The following TENM2 variants were observed in gnomAD, a reference collection of about 807,000 sequenced individuals.
The protein encoded by TENM2 is teneurin-2.
A neutral mutation model predicts 245.2 loss-of-function variants in TENM2; 52 were observed. The ratio of observed to expected loss-of-function variants is 0.21; its 90% CI spans 0.17 to 0.27. The LOEUF is 0.27. Among genes scored for constraint, TENM2 ranks in the 10% least tolerant of loss-of-function variants. The pLI is 1.00. For synonymous variants in TENM2, 1,363 were observed against 1,438.9 expected, an observed-to-expected ratio of 0.95 and a Z score of 1.19; for missense variants, 3,046 against 3,666.8, an observed-to-expected ratio of 0.83 and a Z score of 4.37.
chr5:166,986,496 T>C, the TENM2 span, among the ~76,000 whole-genome samples: 4 of 152,224 alleles, frequency 2.6e-5, no homozygotes, highest in Admixed American at 2.6e-4. Context: ...TTTAAGGAAA[T>C]ACGGCAAGGT....
At chr5:167,162,517 A>G in the TENM2 span, among the ~76,000 whole-genome samples, 1 of 151,892 alleles carries the variant, frequency 6.6e-6, no homozygotes, top group African/African-American at 2.4e-5. Context: ...AATCCCAGCT[A>G]CTTGGGAGGC....
chr5:168,017,787 A>G (rs1468452559), intron 5 of TENM2, among the ~76,000 whole-genome samples: 1 of 152,180 alleles, frequency 6.6e-6, no homozygotes. Flanking sequence ...CTATTTGAGA[A>G]AGAGGTTTCA....
At chr5:167,418,283 T>C (rs1433957698) in intron 2 of TENM2, among the ~76,000 whole-genome samples, 8 of 151,380 alleles carry the variant, frequency 5.3e-5, no homozygotes, top group Admixed American at 5.3e-4. Context: ...GAGCCGAGAT[T>C]GTGCCATTGC....
intron 2 of TENM2, among the ~76,000 whole-genome samples, chr5:167,589,778 C>A (rs962885426): frequency 8.6e-5 from 13 of 151,920 alleles, no homozygotes; most frequent in Admixed American, 7.2e-4. Flanking sequence ...AAATAGCACT[C>A]AAAAACTTTA....
chr5:167,853,874 T>A (rs980912322), intron 2 of TENM2, among the ~76,000 whole-genome samples: 4 of 152,132 alleles, frequency 2.6e-5, no homozygotes, highest in African/African-American at 4.8e-5. Flanking sequence ...AAAATTCAAA[T>A]AAGACCACAA....
intron 2 of TENM2, among the ~76,000 whole-genome samples, chr5:167,698,855 T>G (rs1007920981): frequency 6.6e-6 from 1 of 152,042 alleles, no homozygotes; most frequent in Non-Finnish European, 1.5e-5. Context: ...AGCTAATTTT[T>G]GTATTTTTAG....
intron 12 of TENM2, among the ~76,000 whole-genome samples, chr5:168,145,787 C>T (rs1318772557): frequency 3.3e-5 from 5 of 149,722 alleles, no homozygotes; most frequent in Non-Finnish European, 6.0e-5. Flanking sequence ...GCCATTTTCA[C>T]GATATTGATT....
chr5:167,445,332 T>TAGGG (rs71591182), intron 2 of TENM2, among the ~76,000 whole-genome samples: 2 of 77,060 alleles, frequency 2.6e-5, no homozygotes, highest in East Asian at 3.8e-4. Context: ...TATATATATA[T>TAGGG]ATATAGAGAG....
At chr5:167,221,123 T>C in the TENM2 span, among the ~76,000 whole-genome samples, 549 of 152,270 alleles carry the variant, frequency 3.6e-3, 4 homozygotes, top group African/African-American at 0.013. Context: ...CCACCGCACC[T>C]GGCTGTATCA....
intron 27 of TENM2, among the ~76,000 whole-genome samples, chr5:168,253,524 C>G: frequency 6.7e-6 from 1 of 149,544 alleles, no homozygotes. Flanking sequence ...CTCACGGGTT[C>G]ACACCATTCT....
At chr5:167,375,062 A>G (rs888144661) in intron 1 of TENM2, 136 bp from the exon 4 acceptor site, 2 of 846,816 alleles carry the variant, frequency 2.4e-6, no homozygotes, top group Admixed American at 5.5e-5. Context: ...CTTGTCCAAG[A>G]TCTGTTTCTG....
chr5:168,061,868 G>T (rs1790066558), intron 6 of TENM2, among the ~76,000 whole-genome samples, 192 bp from the exon 9 acceptor site: 1 of 152,070 alleles, frequency 6.6e-6, no homozygotes, highest in Non-Finnish European at 1.5e-5. Flanking sequence ...CGGATGCCCT[G>T]GGGTGTGCAT....
chr5:167,115,095 T>C, the TENM2 span, among the ~76,000 whole-genome samples: 1 of 152,190 alleles, frequency 6.6e-6, no homozygotes, highest in African/African-American at 2.4e-5. Context: ...TCCAAGATCA[T>C]ACGTTTAAAA....
At chr5:167,950,321 A>T (rs1205839676) in intron 3 of TENM2, among the ~76,000 whole-genome samples, 2 of 152,208 alleles carry the variant, frequency 1.3e-5, no homozygotes, top group Non-Finnish European at 2.9e-5. Context: ...CACAAGGGCC[A>T]CACAAGCTGG....
intron 9 of TENM2, among the ~76,000 whole-genome samples, chr5:168,111,710 G>A (rs142684546): frequency 9.7e-4 from 147 of 152,260 alleles, no homozygotes; most frequent in African/African-American, 3.4e-3. Context: ...TTGATTTGCT[G>A]CCATCCACTG....
chr5:167,895,666 G>A (rs1775159412), intron 3 of TENM2, among the ~76,000 whole-genome samples: 1 of 152,178 alleles, frequency 6.6e-6, no homozygotes, highest in African/African-American at 2.4e-5. Flanking sequence ...AATTCACTAT[G>A]TCTGAGTTGG....
intron 2 of TENM2, among the ~76,000 whole-genome samples, chr5:167,678,437 A>T (rs905920724): frequency 6.6e-6 from 1 of 152,130 alleles, no homozygotes; most frequent in African/African-American, 2.4e-5. Context: ...GAAGATTGGT[A>T]AAAATAGCTA....
At chr5:168,221,815 G>T (rs1017955318) in intron 23 of TENM2, among the ~76,000 whole-genome samples, 1 of 152,152 alleles carries the variant, frequency 6.6e-6, no homozygotes, top group Admixed American at 6.5e-5. Flanking sequence ...ATACCAGAAA[G>T]CTCCTAGGTC....
chr5:168,184,406 A>C (rs1760208668), intron 13 of TENM2, among the ~76,000 whole-genome samples: 1 of 152,228 alleles, frequency 6.6e-6, no homozygotes, highest in Admixed American at 6.5e-5. Context: ...ACTCTGTCAC[A>C]AAATGAAACT....
Sources: gnomAD v4.1 joint callset for allele counts (sites outside exome capture counted in the v4.1 genomes callset) on GRCh38, gnomAD v4.1.1 for gene constraint, MANE v1.5 for transcripts, NCBI Gene and HGNC (gene_info 2026-07-23, HGNC 2026-07-21) for gene names.